Variants in EPB41L3 observed in about 807,000 individuals in gnomAD.
The protein encoded by EPB41L3 is erythrocyte membrane protein band 4.1 like 3.
Under a neutral mutation model 127.1 loss-of-function variants are expected in EPB41L3, and 57 were observed. That is an observed-to-expected ratio of 0.45 (90% CI 0.36 to 0.56). EPB41L3 has a LOEUF of 0.56. Among genes scored for constraint, EPB41L3 ranks in the 20% least tolerant of loss-of-function variants. The pLI, the probability that EPB41L3 is intolerant of heterozygous loss-of-function variation, is 0.00. For synonymous variants in EPB41L3, 572 were observed against 549.5 expected (o/e 1.04, Z -0.57); for missense variants, 1,273 against 1,372.2 (o/e 0.93, Z 1.14).
intron 7 of EPB41L3, 32 bp downstream of exon 7, chr18:5,433,871 A>G (rs764810224): frequency 1.2e-6 from 2 of 1,611,226 alleles, no homozygotes; most frequent in Admixed American, 1.7e-5. Context: ...CCATCAAGGC[A>G]CAACTTAAAT....
At chr18:5,395,756 C>A in intron 19 of EPB41L3, 49 bp from the exon 20 acceptor site, 1 of 1,438,290 alleles carries the variant, frequency 7.0e-7, no homozygotes, top group South Asian at 1.2e-5. Flanking sequence ...CACATCTGCT[C>A]TTCAGAAGTT....
chr18:5,478,169 C>A, intron 3 of EPB41L3, 72 bp downstream of exon 3: 2 of 1,367,388 alleles, frequency 1.5e-6, no homozygotes, highest in African/African-American at 2.9e-5. Context: ...AAAGAGGCAT[C>A]TTGTATATTT....
intron 3 of EPB41L3, among the ~76,000 whole-genome samples, chr18:5,476,817 T>C (rs1295598150): frequency 6.6e-6 from 1 of 152,172 alleles, no homozygotes; most frequent in Non-Finnish European, 1.5e-5. Flanking sequence ...AATTCAGATC[T>C]AGATGAGTAA....
chr18:5,510,489 A>C (rs1330922107), intron 1 of EPB41L3, among the ~76,000 whole-genome samples: 1 of 152,232 alleles, frequency 6.6e-6, no homozygotes, highest in African/African-American at 2.4e-5. Context: ...ATTGTTTTCA[A>C]AATCATTTAG....
At chr18:5,506,988 T>C (rs1012683496) in intron 1 of EPB41L3, among the ~76,000 whole-genome samples, 3 of 152,230 alleles carry the variant, frequency 2.0e-5, no homozygotes, top group Non-Finnish European at 4.4e-5. Context: ...AAGTGCATAG[T>C]CACTGATGTC....
intron 2 of EPB41L3, among the ~76,000 whole-genome samples, chr18:5,485,513 GAAAT>G (rs202092472): frequency 0.011 from 1,617 of 151,980 alleles, 28 homozygotes; most frequent in African/African-American, 0.037. Flanking sequence ...GCAAAAGAAA[GAAAT>G]AAAGGGCATC....
chr18:5,536,921 C>T (rs1288312920), intron 1 of EPB41L3, among the ~76,000 whole-genome samples: 1 of 152,160 alleles, frequency 6.6e-6, no homozygotes, highest in African/African-American at 2.4e-5. Flanking sequence ...ATTATGTAAT[C>T]TACATATGAG....
At chr18:5,464,110 C>T (rs1226843772) in intron 3 of EPB41L3, among the ~76,000 whole-genome samples, 2 of 152,072 alleles carry the variant, frequency 1.3e-5, no homozygotes, top group African/African-American at 2.4e-5. Flanking sequence ...TCTTCATCTG[C>T]CCCAACAATG....
At chr18:5,530,297 T>C (rs191626637) in intron 1 of EPB41L3, among the ~76,000 whole-genome samples, 3 of 152,336 alleles carry the variant, frequency 2.0e-5, no homozygotes, top group Non-Finnish European at 4.4e-5. Flanking sequence ...GCTAGACTGC[T>C]ATGGTGCCAG....
chr18:5,506,818 T>C (rs1231052988), intron 1 of EPB41L3, among the ~76,000 whole-genome samples: 21 of 152,200 alleles, frequency 1.4e-4, no homozygotes, highest in Admixed American at 1.4e-3. Flanking sequence ...CATTAGATTA[T>C]GTTTGCTGAA....
chr18:5,433,613 A>G lies in EPB41L3; in HGVS notation c.825-57T>C. ...CTTTTCCCTTCCCTGGTAGGCTGCAATATTTCCCACTTAGTTCCATGCTAT... is the reference window on the plus strand; with the variant it reads ...CTTTTCCCTTCCCTGGTAGGCTGCAGTATTTCCCACTTAGTTCCATGCTAT... On this transcript the variant is annotated intron_variant, in intron 7 of 22. Transcript: ENST00000341928. 8.9e-6 allele frequency: 13 copies of G among 1,456,594 alleles called. No individual in the cohort carries two copies. The South Asian group carries it at 1.5e-4, about 17-fold the overall frequency. 90.2% of individuals were successfully genotyped at this position (1,456,594 alleles called of 1,614,324 possible).
chr18:5,397,542 G>C lies in EPB41L3; in HGVS notation c.2473-116C>G, dbSNP rs2073769291. On this transcript the variant is annotated intron_variant, in intron 17 of 22. Coordinates refer to ENST00000341928, the MANE Select transcript of EPB41L3 (RefSeq NM_012307.5). This position sits in a 1 kb window ranked among gnomAD's most constrained non-coding sequence, Gnocchi z 4.1. ...AGCCAGCAGCAAGTGCTTATAACCA[G>C]AAACACTGACGAAAAATATAAATTA... The C allele has an allele frequency of 1.4e-5, 17 of 1,251,388 alleles. No homozygotes were observed. Among genetic ancestry groups the C allele is most frequent in the Non-Finnish European group, 1.9e-5 (17 of 912,796 alleles). 77.5% of individuals were successfully genotyped at this position (1,251,388 alleles called of 1,614,324 possible). A position where few individuals can be genotyped will look rare whatever the true frequency, so the allele number is the denominator to read the frequency against.
At chr18:5,528,130 C>A (rs1243786167) in intron 1 of EPB41L3, among the ~76,000 whole-genome samples, 3 of 152,112 alleles carry the variant, frequency 2.0e-5, no homozygotes, top group Non-Finnish European at 4.4e-5. Context: ...GAGAGGTGCA[C>A]ATGCAGAGAA....
Position 5,434,102 on chromosome 18 carries a change from A to G in EPB41L3, c.625T>C (p.Leu209=), listed in dbSNP as rs368600153. 3 of 1,614,150 alleles carry G rather than the reference A, an allele frequency of 1.9e-6. No homozygotes were observed. The African/African-American group carries it at 4.0e-5, about 22-fold the overall frequency. The change falls in exon 7 of 23, where the codon TTG becomes CTG. Residue 209 remains leucine (L), a synonymous_variant. Transcript: ENST00000341928. The part of the protein sequence containing the change: ...DITRYYLCLQ[L]RDDIVSGRLP... The stretch of plus-strand genomic sequence containing the variant: ...CTTCCGGACACGATGTCATCTCGCA[A>G]CTGCAAGCAGAGGTAGTACCTTCCA...
chr18:5,403,012 G>A (rs528706119), intron 16 of EPB41L3, among the ~76,000 whole-genome samples: 157 of 152,236 alleles, frequency 1.0e-3, no homozygotes, highest in Admixed American at 4.0e-3. Flanking sequence ...CAATATCGGC[G>A]CAGAATACAT....
chr18:5,483,185 T>C (rs1029959944), intron 2 of EPB41L3, among the ~76,000 whole-genome samples: 6 of 152,132 alleles, frequency 3.9e-5, no homozygotes, highest in Non-Finnish European at 5.9e-5. Context: ...GGTGTGTGTG[T>C]ATGTGCGTGC....
chr18:5,594,967 T>C (rs1245874560), intron 3 of EPB41L3, among the ~76,000 whole-genome samples: 2 of 152,338 alleles, frequency 1.3e-5, no homozygotes, highest in Admixed American at 6.5e-5. Context: ...CAATGCCTTA[T>C]GAGAAACTAC....
rs771374021 is a variant in EPB41L3 at position 5,397,410 on chromosome 18, G to A, written c.2489C>T (p.Thr830Met). The change falls in exon 18 of 23, where the codon ACG becomes ATG. Residue 830 changes from threonine (T) to methionine (M), a missense_variant. Thr to Met is a moderately conservative substitution (Grantham distance 81). Coordinates refer to ENST00000341928, the MANE Select transcript of EPB41L3 (RefSeq NM_012307.5). This position sits in a 1 kb window ranked among gnomAD's most constrained non-coding sequence, Gnocchi z 4.1. The part of the protein sequence containing the change: ...QSWVQKMETK[T>M]ESSGIETEPT... Reference sequence around the variant, plus strand: ...TTCCGTCTCTATTCCACTGGACTCCGTCTTGGTTTCCATTTTCTGCATGGG... The same window carrying A: ...TTCCGTCTCTATTCCACTGGACTCCATCTTGGTTTCCATTTTCTGCATGGG... 16 of 1,607,754 alleles carry A rather than the reference G, an allele frequency of 1.0e-5. No homozygotes were observed. The highest frequency in any genetic ancestry group is 4.5e-5 in the East Asian group (2 of 44,732).
rs564060834 is a variant in EPB41L3 at position 5,561,129 on chromosome 18, C to G, written c.-306+51211G>C. On this transcript the variant is annotated intron_variant, in intron 3 of 21. Coordinates refer to the EPB41L3 transcript ENST00000545076. ...AGTAGCTGGGACTACAGGCGCCCGCCACTACGCCCGGCTAATGTCTTGTAT... is the reference window on the plus strand; with the variant it reads ...AGTAGCTGGGACTACAGGCGCCCGCGACTACGCCCGGCTAATGTCTTGTAT... Among the ~76,000 whole-genome samples, 2 of 150,052 alleles carry G rather than the reference C, an allele frequency of 1.3e-5. 1 individual carries two copies. The highest frequency in any genetic ancestry group is 3.9e-4 in the East Asian group (2 of 5,108).
Sources: gnomAD v4.1 joint callset for allele counts (sites outside exome capture counted in the v4.1 genomes callset) on GRCh38, gnomAD v4.1.1 for gene constraint, Gnocchi (gnomAD v3.1) non-coding constraint, MANE v1.5 for transcripts, NCBI Gene and HGNC (gene_info 2026-07-23, HGNC 2026-07-21) for gene names.